The following CXCL12 variants were observed in gnomAD, a reference collection of about 807,000 sequenced individuals.
CXCL12 encodes the protein stromal cell-derived factor 1.
CXCL12 carries 4 observed loss-of-function variants against 10.7 expected under a neutral mutation model. The ratio of observed to expected loss-of-function variants is 0.37; its 90% CI spans 0.18 to 0.86. The LOEUF is 0.86. Ranked by LOEUF, CXCL12 falls within the 40% of genes least tolerant of loss-of-function variation. The probability of loss-of-function intolerance (pLI) is 0.43; values close to 1 mark genes in which losing one functional copy is unlikely to be tolerated. For synonymous variants in CXCL12, 54 were observed against 45.4 expected (o/e 1.19, Z -0.77); for missense variants, 122 against 110.4 (o/e 1.10, Z -0.47).
At chr10:44,374,566 G>A (rs1839401293), downstream of CXCL12, 1 of 456,038 alleles carries the variant, frequency 2.2e-6, no homozygotes, top group South Asian at 1.5e-5. Context: ...AGAGATAGCA[G>A]CGGGAAACAA....
rs1382774392 is a variant in CXCL12, at chr10:44,377,632, G to A, written c.*1001C>T. On this transcript the variant is annotated 3_prime_UTR_variant, in exon 3 of 3. Coordinates refer to ENST00000343575, the MANE Select transcript of CXCL12 (RefSeq NM_199168.4). ...CCTCAGAGTTTGTTAGTGCCTCCATGGCATACATAGGCTTCAGAGGCAATC... is the reference window on the plus strand; with the variant it reads ...CCTCAGAGTTTGTTAGTGCCTCCATAGCATACATAGGCTTCAGAGGCAATC... The A allele has an allele frequency of 2.0e-6, 3 of 1,535,834 alleles. No homozygotes were observed. The highest frequency in any genetic ancestry group is 2.0e-5 in the Admixed American group (1 of 50,510).
At position 44,377,286 on chromosome 10, in the gene CXCL12, T is replaced by C. The variant is rs1294411355; in HGVS notation, c.*1347A>G. The stretch of plus-strand genomic sequence containing the variant: ...ATTTCTTTACAAATTGCCAGTAGTT[T>C]GAGATAATAGAGAAGTATAAACTAC... On this transcript the variant is annotated 3_prime_UTR_variant, in exon 3 of 3. Transcript: ENST00000343575. The C allele has an allele frequency of 2.5e-5, 25 of 993,866 alleles. No homozygotes were observed. The highest frequency in any genetic ancestry group is 1.7e-5 in the African/African-American group (1 of 57,300). The allele number at this position is 993,866 out of a possible 1,614,324, so 61.6% of individuals were successfully genotyped here. A position where few individuals can be genotyped will look rare whatever the true frequency, so the allele number is the denominator to read the frequency against.
downstream of CXCL12, chr10:44,374,363 C>G (rs554084896): frequency 1.6e-5 from 7 of 434,334 alleles, no homozygotes; most frequent in East Asian, 4.3e-4. Flanking sequence ...GCGCTTTTGT[C>G]AAGAGTCCCA....
chr10:44,370,373 A>G (rs1292097499), exon 4 of CXCL12: 5 of 152,666 alleles, frequency 3.3e-5, no homozygotes, highest in Non-Finnish European at 7.3e-5. Flanking sequence ...TACAGTATTC[A>G]TCACATTTAA....
In CXCL12 at chr10:44,377,578, A is replaced by T; in HGVS notation, c.*1055T>A. 6.8e-7 allele frequency: 1 copy of T among 1,477,234 alleles called. No homozygotes were observed. Among genetic ancestry groups the T allele is most frequent in the Non-Finnish European group, 8.9e-7 (1 of 1,119,924 alleles). The allele number at this position is 1,477,234 out of a possible 1,614,324, so 91.5% of individuals were successfully genotyped here. On this transcript the variant is annotated 3_prime_UTR_variant, in exon 3 of 3. Transcript: ENST00000343575. ...GTAGTGGCAAGATGATGGTTTATTCACTGATTTTTTCGCTTCTGATTTCGG... is the reference window on the plus strand; with the variant it reads ...GTAGTGGCAAGATGATGGTTTATTCTCTGATTTTTTCGCTTCTGATTTCGG...
downstream of CXCL12, among the ~76,000 whole-genome samples, chr10:44,373,798 C>T (rs542107028): frequency 3.9e-5 from 6 of 152,282 alleles, no homozygotes; most frequent in South Asian, 2.1e-4. Flanking sequence ...GCCATGCCAC[C>T]GTAGGTGGCC....
intron 1 of CXCL12, among the ~76,000 whole-genome samples, chr10:44,382,997 A>G (rs376588242): frequency 1.6e-4 from 25 of 152,300 alleles, no homozygotes; most frequent in African/African-American, 5.8e-4. Flanking sequence ...AGGAGTTTTC[A>G]GAAAGCCCTC....
intron 1 of CXCL12, among the ~76,000 whole-genome samples, chr10:44,382,551 C>T (rs1839664348): frequency 6.6e-6 from 1 of 152,100 alleles, no homozygotes; most frequent in African/African-American, 2.4e-5. Context: ...GCTGCAGCCG[C>T]CCCCGCTGGG....
chr10:44,375,812 A>T, downstream of CXCL12: 1 of 1,508,420 alleles, frequency 6.6e-7, no homozygotes. Context: ...GCAGCAAAGC[A>T]CTGCTCCCCC....
At chr10:44,384,169 G>C (rs575302270) in intron 1 of CXCL12, among the ~76,000 whole-genome samples, 20 of 152,182 alleles carry the variant, frequency 1.3e-4, no homozygotes, top group Non-Finnish European at 2.2e-4. Context: ...AAAAGAGCCT[G>C]TCTGCAGGTG....
Position 44,378,111 on chromosome 10 carries a change from C to G in CXCL12, c.*522G>C. The G allele has an allele frequency of 2.8e-6, 4 of 1,445,476 alleles. No homozygotes were observed. The highest frequency in any genetic ancestry group is 5.0e-5 in the East Asian group (2 of 39,794). 89.5% of individuals were successfully genotyped at this position (1,445,476 alleles called of 1,614,324 possible). ...AGTCGGTATCTGAGTGCCACAGAGG[C>G]CTTCCTCTTGGGAGGGGCGCTGCTG... On this transcript the variant is annotated 3_prime_UTR_variant, in exon 3 of 3. Coordinates refer to ENST00000343575, the MANE Select transcript of CXCL12 (RefSeq NM_199168.4).
At chr10:44,376,179 T>G, downstream of CXCL12, 2 of 765,560 alleles carry the variant, frequency 2.6e-6, 1 homozygote, top group South Asian at 3.7e-5. Context: ...GCACTGTTTA[T>G]CAGTAATTCA....
At chr10:44,376,620 G>A (rs542932147), downstream of CXCL12, among the ~76,000 whole-genome samples, 1 of 152,304 alleles carries the variant, frequency 6.6e-6, no homozygotes, top group Non-Finnish European at 1.5e-5. Context: ...CTGGTTAGCA[G>A]AATTTTATTA....
downstream of CXCL12, among the ~76,000 whole-genome samples, chr10:44,375,158 G>GGGGGACCCGTTTAAAGACT: frequency 6.6e-6 from 1 of 152,332 alleles, no homozygotes; most frequent in African/African-American, 2.4e-5. Flanking sequence ...TCCTCCACGT[G>GGGGGACCCGTTTAAAGACT]GGGGACCCGT....
At chr10:44,379,614 C>T (rs1364912091) in intron 2 of CXCL12, among the ~76,000 whole-genome samples, 1 of 152,108 alleles carries the variant, frequency 6.6e-6, no homozygotes, top group Non-Finnish European at 1.5e-5. Flanking sequence ...CGGAGCAACC[C>T]ACATTGGGGT....
downstream of CXCL12, among the ~76,000 whole-genome samples, chr10:44,376,527 C>T (rs1839455700): frequency 2.0e-5 from 3 of 152,210 alleles, no homozygotes; most frequent in South Asian, 6.2e-4. Flanking sequence ...AGAAAAAAGG[C>T]AGTGGTCCCA....
rs76444314 is a variant in CXCL12 at position 44,385,008 on chromosome 10, C to CGCGG, written c.-7_-4dup. 1,740 of 412,500 alleles carry CGCGG rather than the reference C, an allele frequency of 4.2e-3. 3 individuals carry two copies. Among genetic ancestry groups the CGCGG allele is most frequent in the African/African-American group, 0.013 (508 of 40,604 alleles). The allele number at this position is 412,500 out of a possible 1,614,324, so 25.6% of individuals were successfully genotyped here. On this transcript the variant is annotated 5_prime_UTR_variant, in exon 1 of 3. Transcript: ENST00000343575. ...ACGACCACGACCTTGGCGTTCATGG[C>CGCGG]GCGGGCGGGCGGGCGGGCGGGCGGA...
In CXCL12 at chr10:44,384,976, G is replaced by T; in HGVS notation, c.30C>A (p.Val10=). ...TGAGGCAGAGCGCGGTCAGCACGAG[G>T]ACCAGCACGACCACGACCTTGGCGT... The part of the protein sequence containing the change: MNAKVVVVL[V]LVLTALCLSD... Residue 10 remains valine, a synonymous_variant, in exon 1 of 3, where the codon GTC becomes GTA. Transcript: ENST00000343575. 1 of 1,285,996 alleles carries T rather than the reference G, an allele frequency of 7.8e-7. No individual in the cohort carries two copies. 79.7% of individuals were successfully genotyped at this position (1,285,996 alleles called of 1,614,324 possible).
At chr10:44,381,704 G>A (rs1839636507) in intron 1 of CXCL12, among the ~76,000 whole-genome samples, 1 of 152,188 alleles carries the variant, frequency 6.6e-6, no homozygotes, top group Non-Finnish European at 1.5e-5. Flanking sequence ...TTTAAATATA[G>A]GATTGCAAGC....
Sources: allele counts gnomAD v4.1 joint callset (sites outside exome capture counted in the v4.1 genomes callset), GRCh38; gene constraint gnomAD v4.1.1; transcripts MANE v1.5; gene names NCBI Gene and HGNC (gene_info 2026-07-23, HGNC 2026-07-21).